Variants in PKD2L1 observed in about 807,000 individuals in gnomAD.
PKD2L1 encodes the protein polycystin-2-like protein 1.
A neutral mutation model predicts 93.0 loss-of-function variants in PKD2L1; 77 were observed. The observed-to-expected ratio is 0.83, with a 90% confidence interval of 0.69 to 1.00. The LOEUF is 1.00. Ranked by LOEUF, PKD2L1 falls within the 50% of genes least tolerant of loss-of-function variation. The probability of loss-of-function intolerance (pLI) is 0.00; values close to 1 mark genes in which losing one functional copy is unlikely to be tolerated. For missense variants in PKD2L1, 977 were observed against 990.9 expected, an observed-to-expected ratio of 0.99 and a Z score of 0.19; for synonymous variants, 390 against 388.0, an observed-to-expected ratio of 1.01 and a Z score of -0.06.
Position 100,290,087 on chromosome 10 carries a change from G to T in PKD2L1, c.2178C>A (p.Ser726=). The change falls in exon 14 of 16, where the codon TCC becomes TCA. Residue 726 remains serine (S), a synonymous_variant. Transcript: ENST00000318222. Reference sequence around the variant, plus strand: ...GCTTTGAGCCTACAGCATCAATCTGGGACACTACTCCTTCCAGGACAGTCT... The same window carrying T: ...GCTTTGAGCCTACAGCATCAATCTGTGACACTACTCCTTCCAGGACAGTCT... ...QLETVLEGVV[S]QIDAVGSKLK... 1 of 1,613,982 alleles carries T rather than the reference G, an allele frequency of 6.2e-7. No homozygotes were observed. The highest frequency in any genetic ancestry group is 8.5e-7 in the Non-Finnish European group (1 of 1,179,928).
chr10:100,302,693 C>A (rs59515822), intron 2 of PKD2L1, among the ~76,000 whole-genome samples: 7,877 of 135,436 alleles, frequency 0.058, 677 homozygotes, highest in African/African-American at 0.2. Context: ...CTCTGTCCCC[C>A]AAAAAAAAAA....
intron 2 of PKD2L1, among the ~76,000 whole-genome samples, chr10:100,305,157 G>C (rs1262523571): frequency 1.3e-5 from 2 of 149,644 alleles, no homozygotes; most frequent in Non-Finnish European, 2.9e-5. Context: ...TGTCACCCAG[G>C]CTGGAGTGCA....
chr10:100,317,745 G>C (rs1205276654), intron 2 of PKD2L1, among the ~76,000 whole-genome samples: 6 of 151,956 alleles, frequency 3.9e-5, no homozygotes, highest in African/African-American at 1.5e-4. Context: ...AACCTGAAAA[G>C]GTCTCAGGAA....
rs1198735736 is a variant in PKD2L1, at chr10:100,294,412, G to C, written c.1659+123C>G. On this transcript the variant is annotated intron_variant, in intron 9 of 15. Coordinates refer to ENST00000318222, the MANE Select transcript of PKD2L1 (RefSeq NM_016112.3). Reference sequence around the variant, plus strand: ...CATCTCTCAGAAGATCCAGACATCGGCCCCCCCACTCACTCTCCATCCTTG... The same window carrying C: ...CATCTCTCAGAAGATCCAGACATCGCCCCCCCCACTCACTCTCCATCCTTG... 2.8e-5 allele frequency: 28 copies of C among 1,012,366 alleles called. No homozygotes were observed. The Admixed American group carries it at 3.2e-4, about 12-fold the overall frequency. 62.7% of individuals were successfully genotyped at this position (1,012,366 alleles called of 1,614,324 possible).
In PKD2L1 at chr10:100,329,997, C is replaced by T. The variant is rs746209620; in HGVS notation, c.107G>A (p.Arg36Lys). ...SGPPSPHGTLRVCTISSTGPL... is the reference protein window; with the variant it reads ...SGPPSPHGTLKVCTISSTGPL... The stretch of plus-strand genomic sequence containing the variant: ...CCCCGTGCTGGAGATGGTGCAGACT[C>T]TCAGCGTCCCGTGTGGGGAAGGGGG... The change falls in exon 1 of 16, where the codon AGA (arginine) becomes AAA (lysine). Residue 36 changes from arginine to lysine, a missense_variant. Coordinates refer to ENST00000318222, the MANE Select transcript of PKD2L1 (RefSeq NM_016112.3). 5.6e-6 allele frequency: 9 copies of T among 1,613,788 alleles called. No homozygotes were observed. The African/African-American group carries it at 1.1e-4, about 19-fold the overall frequency.
intron 2 of PKD2L1, among the ~76,000 whole-genome samples, chr10:100,321,687 GA>G (rs1246810164): frequency 8.0e-4 from 1 of 1,244 alleles, no homozygotes; most frequent in Non-Finnish European, 2.1e-3. Flanking sequence ...AAGAAAGAAA[GA>G]AAGAAAGAAA....
intron 8 of PKD2L1, 73 bp downstream of exon 8, chr10:100,294,869 C>T (rs1275938743): frequency 6.3e-6 from 9 of 1,430,632 alleles, no homozygotes; most frequent in African/African-American, 4.2e-5. Flanking sequence ...TACCCATCTT[C>T]CCCAAGGATA....
At chr10:100,326,599 C>T (rs1454525530) in intron 2 of PKD2L1, among the ~76,000 whole-genome samples, 1 of 152,188 alleles carries the variant, frequency 6.6e-6, no homozygotes, top group African/African-American at 2.4e-5. Context: ...TTGTCCAGTG[C>T]CAGGCATCAC....
intron 2 of PKD2L1, among the ~76,000 whole-genome samples, chr10:100,325,770 CTGTG>C (rs1369302837): frequency 6.6e-6 from 1 of 152,200 alleles, no homozygotes; most frequent in East Asian, 1.9e-4. Context: ...ACAGTGCCTG[CTGTG>C]ACTTGAAGAC....
chr10:100,324,875 G>A (rs1262762554), intron 2 of PKD2L1, among the ~76,000 whole-genome samples: 2 of 152,172 alleles, frequency 1.3e-5, no homozygotes, highest in Admixed American at 6.5e-5. Flanking sequence ...ACATGGAAAA[G>A]CACACTGGCA....
chr10:100,322,878 T>C (rs917948792), intron 2 of PKD2L1, among the ~76,000 whole-genome samples: 17 of 152,258 alleles, frequency 1.1e-4, no homozygotes, highest in African/African-American at 3.9e-4. Flanking sequence ...TGGATTCCTC[T>C]TTCTTCACTT....
intron 9 of PKD2L1, 82 bp downstream of exon 9, chr10:100,294,453 C>T: frequency 6.9e-7 from 1 of 1,458,162 alleles, no homozygotes; most frequent in Non-Finnish European, 9.6e-7. Context: ...AGAAACTTAT[C>T]AATCCTGAGT....
intron 2 of PKD2L1, among the ~76,000 whole-genome samples, chr10:100,327,606 G>A (rs1270019166): frequency 6.6e-6 from 1 of 152,238 alleles, no homozygotes; most frequent in Admixed American, 6.5e-5. Context: ...GAAAGGCTCT[G>A]CCTGTGGGTT....
chr10:100,309,598 T>C (rs1848884329), intron 2 of PKD2L1, among the ~76,000 whole-genome samples: 1 of 152,168 alleles, frequency 6.6e-6, no homozygotes, highest in Admixed American at 6.5e-5. Context: ...ACCCTGGCTA[T>C]AGGACTTGGA....
At chr10:100,295,261 A>C in intron 7 of PKD2L1, 138 bp from the exon 8 acceptor site, 18 of 668,648 alleles carry the variant, frequency 2.7e-5, no homozygotes, top group East Asian at 5.2e-5. Flanking sequence ...AGAAGGGAGA[A>C]TGATACAAAA....
At chr10:100,305,417 T>G (rs1034974971) in intron 2 of PKD2L1, among the ~76,000 whole-genome samples, 2 of 152,102 alleles carry the variant, frequency 1.3e-5, no homozygotes, top group African/African-American at 4.8e-5. Context: ...CCCGGCCAAG[T>G]GAATCAATTT....
At chr10:100,310,342 CAACA>C (rs113540923) in intron 2 of PKD2L1, among the ~76,000 whole-genome samples, 90 of 152,066 alleles carry the variant, frequency 5.9e-4, no homozygotes, top group Admixed American at 1.3e-3. Context: ...CTGTCTCAAA[CAACA>C]AACAAACAAA....
In PKD2L1 at chr10:100,293,291, A is replaced by G; in HGVS notation, c.1748T>C (p.Leu583Pro). The G allele has an allele frequency of 6.2e-7, 1 of 1,609,320 alleles. No homozygotes were observed. The highest frequency in any genetic ancestry group is 8.5e-7 in the Non-Finnish European group (1 of 1,175,606). Residue 583 changes from leucine (L) to proline (P), a missense_variant, in exon 10 of 16, where the codon CTC becomes CCC. Coordinates refer to ENST00000318222, the MANE Select transcript of PKD2L1 (RefSeq NM_016112.3). ...AGATTGAGCAATCACCTGTTTCAGG[A>G]GGTCAGAAAGTTGCAGCTCATCCTT... ...GQKDELQLSD[L>P]LKQGYNKTLL...
chr10:100,293,434 G>T, intron 9 of PKD2L1, 55 bp from the exon 10 acceptor site: 1 of 1,121,832 alleles, frequency 8.9e-7, no homozygotes. Context: ...TGAAAGGATT[G>T]AGCCCACTGA....
Sources: gnomAD v4.1 joint callset for allele counts (sites outside exome capture counted in the v4.1 genomes callset) on GRCh38, gnomAD v4.1.1 for gene constraint, MANE v1.5 for transcripts, NCBI Gene and HGNC (gene_info 2026-07-23, HGNC 2026-07-21) for gene names.